NIM1K: variants seen among roughly 807,000 people sequenced by gnomAD.
NIM1K encodes serine/threonine-protein kinase NIM1.
Under a neutral mutation model 37.1 loss-of-function variants are expected in NIM1K, and 35 were observed. That is an observed-to-expected ratio of 0.94 (90% CI 0.72 to 1.25). The LOEUF is 1.25. Among genes scored for constraint, NIM1K ranks in the 50% most tolerant of loss-of-function variants. The probability of loss-of-function intolerance (pLI) is 0.00; values close to 1 mark genes in which losing one functional copy is unlikely to be tolerated. For missense variants in NIM1K, 564 were observed against 548.0 expected, an observed-to-expected ratio of 1.03 and a Z score of -0.29; for synonymous variants, 234 against 206.6, an observed-to-expected ratio of 1.13 and a Z score of -1.14.
intron 2 of NIM1K, among the ~76,000 whole-genome samples, chr5:43,272,215 C>T (rs1753267362): frequency 6.6e-6 from 1 of 152,146 alleles, no homozygotes; most frequent in South Asian, 2.1e-4. Flanking sequence ...GTCTTTCCTA[C>T]CTCAAGATCT....
At chr5:43,201,185 G>A (rs1414733483) in intron 1 of NIM1K, among the ~76,000 whole-genome samples, 1 of 151,746 alleles carries the variant, frequency 6.6e-6, no homozygotes, top group Admixed American at 6.6e-5. Context: ...CAAGGCGGGC[G>A]GATCATAAGG....
rs868144746 is a variant in NIM1K at position 43,271,143 on chromosome 5, T to C, written c.293-5914T>C. ...AGTTTGTGGGTTTTTAATTTATATA[T>C]GTGAAATACCTTTTTATAGGCAAAA... On this transcript the variant is annotated intron_variant, in intron 2 of 3. Coordinates refer to ENST00000326035, the MANE Select transcript of NIM1K (RefSeq NM_153361.4). Among the ~76,000 whole-genome samples, 63 of 152,106 alleles carry C rather than the reference T, an allele frequency of 4.1e-4. 1 individual carries two copies. The highest frequency in any genetic ancestry group is 9.2e-4 in the Admixed American group (14 of 15,252).
At chr5:43,230,531 A>G (rs1752522774) in intron 1 of NIM1K, among the ~76,000 whole-genome samples, 1 of 152,100 alleles carries the variant, frequency 6.6e-6, no homozygotes, top group Non-Finnish European at 1.5e-5. Context: ...TGCCCAGCTA[A>G]AACTTCTCTG....
intron 2 of NIM1K, among the ~76,000 whole-genome samples, chr5:43,274,852 G>A (rs1038136024): frequency 5.9e-5 from 9 of 152,200 alleles, no homozygotes; most frequent in African/African-American, 2.2e-4. Flanking sequence ...TAGTCCCAGT[G>A]CTAAAGTTTT....
At chr5:43,218,658 A>C (rs1752339538) in intron 1 of NIM1K, among the ~76,000 whole-genome samples, 1 of 152,052 alleles carries the variant, frequency 6.6e-6, no homozygotes, top group Admixed American at 6.6e-5. Flanking sequence ...ATCCTTCCCC[A>C]TGATCCAAAC....
chr5:43,223,243 C>A (rs1300787991), intron 1 of NIM1K, among the ~76,000 whole-genome samples: 1 of 152,100 alleles, frequency 6.6e-6, no homozygotes, highest in African/African-American at 2.4e-5. Flanking sequence ...GGCCTCCCTG[C>A]CTGGGCTTGA....
At chr5:43,258,301 T>C (rs541468590) in intron 2 of NIM1K, among the ~76,000 whole-genome samples, 1 of 152,366 alleles carries the variant, frequency 6.6e-6, no homozygotes, top group African/African-American at 2.4e-5. Flanking sequence ...TTGCCATATA[T>C]ACAGTAATTC....
chr5:43,259,642 T>C (rs1752998988), intron 2 of NIM1K, among the ~76,000 whole-genome samples: 1 of 152,186 alleles, frequency 6.6e-6, no homozygotes, highest in Non-Finnish European at 1.5e-5. Flanking sequence ...TTTTGTTTTT[T>C]GTTTGCTAAT....
chr5:43,251,285 T>C (rs1182629648), intron 2 of NIM1K, among the ~76,000 whole-genome samples: 2 of 152,196 alleles, frequency 1.3e-5, no homozygotes, highest in African/African-American at 4.8e-5. Flanking sequence ...ATGCTAACAA[T>C]CAATCTCAGA....
At chr5:43,265,978 C>T (rs939073438) in intron 2 of NIM1K, among the ~76,000 whole-genome samples, 4 of 152,224 alleles carry the variant, frequency 2.6e-5, no homozygotes, top group African/African-American at 9.6e-5. Context: ...CTGATCCTTC[C>T]TCTGGAAGCT....
chr5:43,251,533 A>G (rs77594503), intron 2 of NIM1K, among the ~76,000 whole-genome samples: 1 of 152,204 alleles, frequency 6.6e-6, no homozygotes, highest in Non-Finnish European at 1.5e-5. Context: ...GTTTACAGGA[A>G]TTCACATGGA....
intron 2 of NIM1K, among the ~76,000 whole-genome samples, chr5:43,263,376 G>C (rs1753067060): frequency 6.6e-6 from 1 of 152,074 alleles, no homozygotes; most frequent in Admixed American, 6.5e-5. Context: ...ATTTCTTCTA[G>C]ATTTTCTAGT....
At chr5:43,232,163 T>C (rs1162046195) in intron 1 of NIM1K, 3 of 990,362 alleles carry the variant, frequency 3.0e-6, no homozygotes, top group African/African-American at 3.2e-5. Context: ...CACTTGGTCT[T>C]GATTGATGGT....
At chr5:43,198,860 G>C (rs1236466413) in intron 1 of NIM1K, among the ~76,000 whole-genome samples, 1 of 152,064 alleles carries the variant, frequency 6.6e-6, no homozygotes, top group East Asian at 1.9e-4. Flanking sequence ...GATAATAGCA[G>C]GCACCTTTTA....
At chr5:43,267,809 G>A (rs561928694) in intron 2 of NIM1K, among the ~76,000 whole-genome samples, 17 of 152,286 alleles carry the variant, frequency 1.1e-4, no homozygotes, top group Non-Finnish European at 2.4e-4. Flanking sequence ...TGTGGTCTGA[G>A]AAGATGCTTG....
At chr5:43,238,471 C>T (rs900070013) in intron 1 of NIM1K, among the ~76,000 whole-genome samples, 1 of 151,810 alleles carries the variant, frequency 6.6e-6, no homozygotes, top group African/African-American at 2.4e-5. Context: ...TCTGCTTCTT[C>T]ATGGCTCTAC....
At chr5:43,257,236 A>G (rs1182265851) in intron 2 of NIM1K, among the ~76,000 whole-genome samples, 2 of 152,084 alleles carry the variant, frequency 1.3e-5, no homozygotes, top group Non-Finnish European at 2.9e-5. Flanking sequence ...TTGAAGCCTG[A>G]GAACTGCCCA....
chr5:43,241,441 G>A (rs1382093761), intron 1 of NIM1K, among the ~76,000 whole-genome samples: 3 of 151,512 alleles, frequency 2.0e-5, no homozygotes, highest in African/African-American at 7.3e-5. Context: ...CTGGGTTCAA[G>A]TGATTCTCTT....
intron 1 of NIM1K, chr5:43,207,116 G>C: frequency 1.4e-6 from 1 of 721,448 alleles, no homozygotes; most frequent in East Asian, 2.5e-5. Flanking sequence ...GGTGTATGAT[G>C]AAGATTCATC....
Sources: allele counts gnomAD v4.1 joint callset (sites outside exome capture counted in the v4.1 genomes callset), GRCh38; gene constraint gnomAD v4.1.1; transcripts MANE v1.5; gene names NCBI Gene and HGNC (gene_info 2026-07-23, HGNC 2026-07-21).